The following CASZ1 variants were observed in gnomAD, a reference collection of about 807,000 sequenced individuals.
CASZ1 encodes castor zinc finger 1, also known as zinc finger protein castor homolog 1.
In CASZ1, 28 loss-of-function variants were observed where a neutral mutation model predicts 135.2. The observed-to-expected ratio is 0.21, with a 90% CI of 0.15 to 0.28. The LOEUF is 0.28. Among genes scored for constraint, CASZ1 ranks in the 10% least tolerant of loss-of-function variants. The pLI is 1.00. For missense variants in CASZ1, 2,161 were observed against 2,453.3 expected (o/e 0.88, Z 2.52); for synonymous variants, 1,068 against 1,073.4 (o/e 0.99, Z 0.10).
chr1:10,645,224 T>C (rs1227677883), intron 17 of CASZ1, 136 bp from the exon 18 acceptor site: 1 of 771,446 alleles, frequency 1.3e-6, no homozygotes, highest in Admixed American at 2.8e-5. Flanking sequence ...TAGAAACACC[T>C]TTCACATGTT....
At chr1:10,659,517 G>A (rs938936186) in intron 6 of CASZ1, among the ~76,000 whole-genome samples, 185 bp downstream of exon 6, 1 of 152,226 alleles carries the variant, frequency 6.6e-6, no homozygotes, top group African/African-American at 2.4e-5. Context: ...AGTGCGGCGC[G>A]CACCTGTGTG....
At chr1:10,796,141 G>A (rs1224127380) in intron 1 of CASZ1, among the ~76,000 whole-genome samples, 2 of 151,966 alleles carry the variant, frequency 1.3e-5, no homozygotes, top group Non-Finnish European at 2.9e-5. Context: ...CACAGCGCGT[G>A]GGGCGCCCCC....
chr1:10,756,224 G>A lies in CASZ1; in HGVS notation c.-77+4477C>T, dbSNP rs1640253339. ...CTCTCTCCCGTTGCTGCCTCTGGAG[G>A]TCAGGCCTCCAGAGCCTCCTTACAG... is the stretch of plus-strand genomic sequence containing the variant. On this transcript the variant is annotated intron_variant, in intron 2 of 20. Transcript: ENST00000377022. The surrounding 1 kb of genome is among the most constrained non-coding windows in gnomAD (Gnocchi z 5.9). 6.6e-6 allele frequency among the ~76,000 whole-genome samples: 1 copy of A among 152,048 alleles called. No individual in the cohort carries two copies. Among genetic ancestry groups the A allele is most frequent in the Non-Finnish European group, 1.5e-5 (1 of 67,980 alleles).
At chr1:10,789,167 C>T (rs1386646220) in intron 1 of CASZ1, among the ~76,000 whole-genome samples, 1 of 151,650 alleles carries the variant, frequency 6.6e-6, no homozygotes, top group Non-Finnish European at 1.5e-5. Flanking sequence ...GCCCACACCC[C>T]CCACCCAAGA....
chr1:10,661,896 C>T, intron 5 of CASZ1, among the ~76,000 whole-genome samples: 1 of 151,514 alleles, frequency 6.6e-6, no homozygotes, highest in South Asian at 2.1e-4. Context: ...ACATACAACA[C>T]ACATATGCAT....
intron 2 of CASZ1, among the ~76,000 whole-genome samples, chr1:10,736,758 T>A (rs1329572247): frequency 6.6e-6 from 1 of 152,128 alleles, no homozygotes; most frequent in East Asian, 1.9e-4. Flanking sequence ...GAGTACACGG[T>A]CTAGTAGCGG....
In CASZ1 at chr1:10,747,301, G is replaced by C. The variant is rs184944874; in HGVS notation, c.-77+13400C>G. Reference sequence around the variant, plus strand: ...CAGAGAGAGGCAGGGTTCTGAATACGCTCATCTTTCGTAGATGCAACCCAG... The same window carrying C: ...CAGAGAGAGGCAGGGTTCTGAATACCCTCATCTTTCGTAGATGCAACCCAG... On this transcript the variant is annotated intron_variant, in intron 2 of 20. Transcript: ENST00000377022. The surrounding 1 kb of genome is among the most constrained non-coding windows in gnomAD (Gnocchi z 4.3). 1.0e-3 allele frequency among the ~76,000 whole-genome samples: 157 copies of C among 152,278 alleles called. No homozygotes were observed. The highest frequency in any genetic ancestry group is 1.8e-3 in the Non-Finnish European group (124 of 68,024).
intron 2 of CASZ1, among the ~76,000 whole-genome samples, chr1:10,716,309 C>G (rs1376462751): frequency 6.6e-6 from 1 of 152,234 alleles, no homozygotes; most frequent in African/African-American, 2.4e-5. Context: ...CAATCCGCTC[C>G]CCATCCACAT....
chr1:10,665,114 C>T lies in CASZ1; in HGVS notation c.474G>A (p.Glu158=). ...CCTGCCTGGTGCTGGGGCCGCTGTCCTCCTTGGAGGCTGCCCCGTCCGAAT... is the reference window on the plus strand; with the variant it reads ...CCTGCCTGGTGCTGGGGCCGCTGTCTTCCTTGGAGGCTGCCCCGTCCGAAT... ...EKDSDGAASK[E]DSGPSTRQAS... The change falls in exon 5 of 21, where the codon GAG becomes GAA. Residue 158 remains glutamate, a synonymous_variant. Transcript: ENST00000377022. 2 of 1,511,172 alleles carry T rather than the reference C, an allele frequency of 1.3e-6. No homozygotes were observed. The highest frequency in any genetic ancestry group is 2.3e-5 in the East Asian group (1 of 43,374). 93.6% of individuals were successfully genotyped at this position (1,511,172 alleles called of 1,614,324 possible). A position where few individuals can be genotyped will look rare whatever the true frequency, so the allele number is the denominator to read the frequency against.
intron 2 of CASZ1, among the ~76,000 whole-genome samples, chr1:10,723,937 G>C (rs1456789221): frequency 6.6e-6 from 1 of 152,114 alleles, no homozygotes; most frequent in Non-Finnish European, 1.5e-5. Context: ...TTCTTTGGGG[G>C]TTCTTCCCGA....
chr1:10,704,819 G>A (rs768924175), intron 3 of CASZ1, among the ~76,000 whole-genome samples: 27 of 152,332 alleles, frequency 1.8e-4, no homozygotes, highest in Non-Finnish European at 3.4e-4. Flanking sequence ...CCCGAGGCCC[G>A]GTGGCCCCGC....
chr1:10,682,193 G>C (rs955210819), intron 4 of CASZ1, among the ~76,000 whole-genome samples: 7 of 152,170 alleles, frequency 4.6e-5, no homozygotes, highest in African/African-American at 1.7e-4. Flanking sequence ...TGCTGTCCCA[G>C]ACAACTGGGA....
At chr1:10,731,308 C>T (rs1013440021) in intron 2 of CASZ1, among the ~76,000 whole-genome samples, 5 of 150,458 alleles carry the variant, frequency 3.3e-5, no homozygotes, top group Non-Finnish European at 7.4e-5. Context: ...TTTAGCTGGG[C>T]GTGGTGGCTC....
rs536829938 is a variant in CASZ1, at chr1:10,757,424, C to T, written c.-77+3277G>A. On this transcript the variant is annotated intron_variant, in intron 2 of 20. Coordinates refer to ENST00000377022, the MANE Select transcript of CASZ1 (RefSeq NM_001079843.3). This position sits in a 1 kb window ranked among gnomAD's most constrained non-coding sequence, Gnocchi z 4.6. ...TCCTCACCCAGCCACCATCCTCTCA[C>T]ACCATCGGCTGCAGCAGCTGCCCCT... Among the ~76,000 whole-genome samples, 2 of 152,346 alleles carry T rather than the reference C, an allele frequency of 1.3e-5. No individual in the cohort carries two copies. The highest frequency in any genetic ancestry group is 1.9e-4 in the East Asian group (1 of 5,192).
intron 2 of CASZ1, among the ~76,000 whole-genome samples, chr1:10,751,095 T>C (rs975119085): frequency 1.3e-5 from 2 of 151,522 alleles, no homozygotes; most frequent in African/African-American, 4.8e-5. Context: ...TTAATTATTA[T>C]TATTATTATT....
rs188172682 is a variant in CASZ1 at position 10,767,713 on chromosome 1, G to A, written c.-233-6856C>T. On this transcript the variant is annotated intron_variant, in intron 1 of 20. Transcript: ENST00000377022. The surrounding 1 kb of genome is among the most constrained non-coding windows in gnomAD (Gnocchi z 4.2). The stretch of plus-strand genomic sequence containing the variant: ...TCGCAGAAGATAATCGATAGAGCCC[G>A]TAATGAAAATCTGAGCCATATTTTA... Among the ~76,000 whole-genome samples the A allele has an allele frequency of 7.2e-5, 11 of 152,208 alleles. No homozygotes were observed. The East Asian group carries it at 1.9e-3, about 27-fold the overall frequency.
chr1:10,736,917 G>A (rs939873866), intron 2 of CASZ1, among the ~76,000 whole-genome samples: 5 of 152,220 alleles, frequency 3.3e-5, no homozygotes, highest in African/African-American at 7.2e-5. Flanking sequence ...TCCTGGGGCC[G>A]TGGGCTGGGC....
Position 10,757,796 on chromosome 1 carries a change from A to T in CASZ1, c.-77+2905T>A, listed in dbSNP as rs1323923210. ...GAGTGAGACTCCATCTCAAACAAAA[A>T]ACAAAAAACAGAAAACCATCACATC... is the stretch of plus-strand genomic sequence containing the variant. On this transcript the variant is annotated intron_variant, in intron 2 of 20. Coordinates refer to ENST00000377022, the MANE Select transcript of CASZ1 (RefSeq NM_001079843.3). This position sits in a 1 kb window ranked among gnomAD's most constrained non-coding sequence, Gnocchi z 4.6. 6.6e-6 allele frequency among the ~76,000 whole-genome samples: 1 copy of T among 152,256 alleles called. No homozygotes were observed.
At position 10,714,349 on chromosome 1, in the gene CASZ1, GGAAA is replaced by G. The variant is rs548008595; in HGVS notation, c.-76-8809_-76-8806del. ...AAAGAAAGGGAAGAAAGGAAAGAAAGGAAAGAAAGAAAGAAACTTAAGCTCCCTG... is the reference window on the plus strand; with the variant it reads ...AAAGAAAGGGAAGAAAGGAAAGAAAGGAAAGAAAGAAACTTAAGCTCCCTG... On this transcript the variant is annotated intron_variant, in intron 2 of 20. Transcript: ENST00000377022. Among the ~76,000 whole-genome samples the G allele has an allele frequency of 1.8e-3, 274 of 152,216 alleles. 2 individuals are homozygous for G. The highest frequency in any genetic ancestry group is 3.0e-3 in the Non-Finnish European group (207 of 67,990).
Sources: allele counts gnomAD v4.1 joint callset (sites outside exome capture counted in the v4.1 genomes callset), GRCh38; gene constraint gnomAD v4.1.1; non-coding constraint Gnocchi (gnomAD v3.1); transcripts MANE v1.5; gene names NCBI Gene and HGNC (gene_info 2026-07-23, HGNC 2026-07-21).